CXCR6: variants seen among roughly 807,000 people sequenced by gnomAD.
The protein encoded by CXCR6 is C-X-C motif chemokine receptor 6, also known as C-X-C chemokine receptor type 6.
A neutral mutation model predicts 1.6 loss-of-function variants in CXCR6; 3 were observed. That is an observed-to-expected ratio of 1.83 (90% CI 0.83 to 4.72). The LOEUF is 4.72. CXCR6 is among the 30% of genes most tolerant of loss of function. The probability of loss-of-function intolerance (pLI) is 0.02; values close to 1 mark genes in which losing one functional copy is unlikely to be tolerated. For synonymous variants in CXCR6, 171 were observed against 159.2 expected (o/e 1.07, Z -0.56); for missense variants, 326 against 414.8 (o/e 0.79, Z 1.86).
rs1405516942 is a variant in CXCR6, at chr3:45,946,890, G to A, written c.409G>A (p.Ala137Thr). 1 of 1,614,218 alleles carries A rather than the reference G, an allele frequency of 6.2e-7. No individual in the cohort carries two copies. The highest frequency in any genetic ancestry group is 8.5e-7 in the Non-Finnish European group (1 of 1,180,040). Residue 137 changes from alanine to threonine, a missense_variant, in exon 2 of 2, where the codon GCC (alanine) becomes ACC (threonine). Transcript: ENST00000304552. ...CATTGTAGTGGTTAAGGCCACCAAG[G>A]CCTACAACCAGCAAGCCAAGAGGAT... is the stretch of plus-strand genomic sequence containing the variant. ...RFIVVVKATKAYNQQAKRMTW... is the reference protein window; with the variant it reads ...RFIVVVKATKTYNQQAKRMTW...
At chr3:45,945,699 C>A (rs1287480974) in intron 1 of CXCR6, 1 of 152,118 alleles carries the variant, frequency 6.6e-6, no homozygotes, top group Non-Finnish European at 1.5e-5. Flanking sequence ...TGGTAGAATG[C>A]CATAAACTGT....
intron 1 of CXCR6, chr3:45,945,043 A>C (rs1220250345): frequency 6.6e-6 from 1 of 152,178 alleles, no homozygotes; most frequent in Non-Finnish European, 1.5e-5. Context: ...GTCTTAGCCC[A>C]AAGGCAGCAT....
chr3:45,947,383 A>G lies in CXCR6; in HGVS notation c.902A>G (p.Lys301Arg). 1 of 1,614,224 alleles carries G rather than the reference A, an allele frequency of 6.2e-7. No homozygotes were observed. The highest frequency in any genetic ancestry group is 1.3e-5 in the African/African-American group (1 of 75,050). ...VSLKFRKNFW[K>R]LVKDIGCLPY... ...CTGAAGTTTCGAAAGAACTTCTGGA[A>G]ACTTGTGAAGGACATTGGTTGCCTC... Residue 301 changes from lysine to arginine, a missense_variant, in exon 2 of 2, where the codon AAA becomes AGA. By Grantham distance (26) the Lys-to-Arg change is conservative. Coordinates refer to ENST00000304552, the MANE Select transcript of CXCR6 (RefSeq NM_006564.2).
chr3:45,943,225 C>T (rs1234063326), upstream of CXCR6, among the ~76,000 whole-genome samples: 1 of 152,164 alleles, frequency 6.6e-6, no homozygotes, highest in Non-Finnish European at 1.5e-5. Flanking sequence ...CAGAGCCAAA[C>T]CTCCTTATTG....
Position 45,946,360 on chromosome 3 carries a change from GA to G in CXCR6, c.-21-99del. ...CTACACATCCCAGTGGGTGGGTTTA[GA>G]AGATGACTATTTGCCCCCTAAATGT... On this transcript the variant is annotated intron_variant, in intron 1 of 1. Transcript: ENST00000304552. 3.7e-6 allele frequency: 3 copies of G among 817,582 alleles called. No homozygotes were observed. In the East Asian group the frequency reaches 7.4e-5, roughly 20 times the overall value. The allele number at this position is 817,582 out of a possible 1,614,324, so 50.6% of individuals were successfully genotyped here.
In CXCR6 at chr3:45,946,824, A is replaced by T; in HGVS notation, c.343A>T (p.Thr115Ser). The change falls in exon 2 of 2, where the codon ACG becomes TCG. Residue 115 changes from threonine (T) to serine (S), a missense_variant. Coordinates refer to ENST00000304552, the MANE Select transcript of CXCR6 (RefSeq NM_006564.2). ...LLGIYTINFY[T>S]SMLILTCITV... ...GGGCATCTACACTATTAACTTCTAC[A>T]CGTCCATGCTCATCCTCACCTGCAT... 6.2e-7 allele frequency: 1 copy of T among 1,614,156 alleles called. No homozygotes were observed. The highest frequency in any genetic ancestry group is 8.5e-7 in the Non-Finnish European group (1 of 1,180,026).
At position 45,946,718 on chromosome 3, in the gene CXCR6, G is replaced by A; in HGVS notation, c.237G>A (p.Val79=). The change falls in exon 2 of 2, where the codon GTG becomes GTA. Residue 79 remains valine, a synonymous_variant. Coordinates refer to ENST00000304552, the MANE Select transcript of CXCR6 (RefSeq NM_006564.2). ...TGAACCTACCCCTGGCTGACCTGGT[G>A]TTTGTCTGCACTCTGCCCTTCTGGG... ...FLVNLPLADL[V]FVCTLPFWAY... is the part of the protein sequence containing the mutation. The A allele has an allele frequency of 6.2e-7, 1 of 1,614,240 alleles. No homozygotes were observed. The highest frequency in any genetic ancestry group is 1.1e-5 in the South Asian group (1 of 91,084).
intron 1 of CXCR6, chr3:45,945,573 T>G (rs1704538183): frequency 6.6e-6 from 1 of 152,180 alleles, no homozygotes; most frequent in South Asian, 2.1e-4. Flanking sequence ...GCTTGTTAAA[T>G]GAGGCCCCTA....
chr3:45,946,228 A>AT, intron 1 of CXCR6: 1 of 461,256 alleles, frequency 2.2e-6, no homozygotes, highest in African/African-American at 1.9e-5. Context: ...GTTGTCTCCC[A>AT]GATGGGTGAG....
At position 45,947,079 on chromosome 3, in the gene CXCR6, T is replaced by C; in HGVS notation, c.598T>C (p.Phe200Leu). 6.2e-7 allele frequency: 1 copy of C among 1,614,026 alleles called. No homozygotes were observed. Among genetic ancestry groups the C allele is most frequent in the Admixed American group, 1.7e-5 (1 of 60,016 alleles). ...VVLATQMTLG[F>L]FLPLLTMIVC... is the part of the protein sequence containing the mutation. ...TCTTGCCACCCAGATGACACTGGGG[T>C]TCTTCTTGCCACTGCTCACCATGAT... The change falls in exon 2 of 2, where the codon TTC becomes CTC. Residue 200 changes from phenylalanine to leucine, a missense_variant. By Grantham distance (22) the Phe-to-Leu change is conservative. Transcript: ENST00000304552.
Position 45,946,808 on chromosome 3 carries a change from C to T in CXCR6, c.327C>T (p.Tyr109=). 3 of 1,614,234 alleles carry T rather than the reference C, an allele frequency of 1.9e-6. No homozygotes were observed. The highest frequency in any genetic ancestry group is 1.1e-5 in the South Asian group (1 of 91,086). ...TGTGCAAGAGCCTACTGGGCATCTACACTATTAACTTCTACACGTCCATGC... is the reference window on the plus strand; with the variant it reads ...TGTGCAAGAGCCTACTGGGCATCTATACTATTAACTTCTACACGTCCATGC... The part of the protein sequence containing the change: ...QVMCKSLLGI[Y]TINFYTSMLI... Residue 109 remains tyrosine (Y), a synonymous_variant, in exon 2 of 2, where the codon TAC becomes TAT. Coordinates refer to ENST00000304552, the MANE Select transcript of CXCR6 (RefSeq NM_006564.2).
chr3:45,946,294 C>T (rs759615800), intron 1 of CXCR6, 167 bp from the exon 2 acceptor site: 236 of 575,378 alleles, frequency 4.1e-4, no homozygotes, highest in Non-Finnish European at 6.3e-4. Flanking sequence ...GCAATTTCCC[C>T]TCAGAATTGG....
intron 1 of CXCR6, among the ~76,000 whole-genome samples, chr3:45,944,618 T>C (rs1455635560): frequency 1.3e-5 from 2 of 152,150 alleles, no homozygotes; most frequent in Non-Finnish European, 2.9e-5. Context: ...GGGAAAGTAA[T>C]TTTTCATACT....
upstream of CXCR6, among the ~76,000 whole-genome samples, chr3:45,942,106 G>A (rs897918322): frequency 2.0e-5 from 3 of 152,190 alleles, no homozygotes; most frequent in Non-Finnish European, 4.4e-5. Context: ...CAGTCTGAAC[G>A]AATTCATTCA....
chr3:45,947,125 T>C lies in CXCR6; in HGVS notation c.644T>C (p.Ile215Thr). 6.2e-7 allele frequency: 1 copy of C among 1,614,260 alleles called. No individual in the cohort carries two copies. Among genetic ancestry groups the C allele is most frequent in the Non-Finnish European group, 8.5e-7 (1 of 1,180,048 alleles). ...LTMIVCYSVI[I>T]KTLLHAGGFQ... is the part of the protein sequence containing the mutation. Reference sequence around the variant, plus strand: ...ATGATTGTCTGCTATTCAGTCATAATCAAAACACTGCTTCATGCTGGAGGC... The same window carrying C: ...ATGATTGTCTGCTATTCAGTCATAACCAAAACACTGCTTCATGCTGGAGGC... The change falls in exon 2 of 2, where the codon ATC (isoleucine) becomes ACC (threonine). Residue 215 changes from isoleucine to threonine, a missense_variant. Coordinates refer to ENST00000304552, the MANE Select transcript of CXCR6 (RefSeq NM_006564.2).
Position 45,946,760 on chromosome 3 carries a change from T to C in CXCR6, c.279T>C (p.His93=). The C allele has an allele frequency of 1.2e-6, 2 of 1,614,202 alleles. No homozygotes were observed. The highest frequency in any genetic ancestry group is 1.3e-5 in the African/African-American group (1 of 75,042). Residue 93 remains histidine, a synonymous_variant, in exon 2 of 2, where the codon CAT becomes CAC. Transcript: ENST00000304552. ...TLPFWAYAGI[H]EWVFGQVMCK... Reference sequence around the variant, plus strand: ...CCTTCTGGGCCTATGCAGGCATCCATGAATGGGTGTTTGGCCAGGTCATGT... The same window carrying C: ...CCTTCTGGGCCTATGCAGGCATCCACGAATGGGTGTTTGGCCAGGTCATGT...
chr3:45,946,593 T>C lies in CXCR6; in HGVS notation c.112T>C (p.Tyr38His), dbSNP rs1559448918. 6.2e-7 allele frequency: 1 copy of C among 1,614,250 alleles called. No homozygotes were observed. Among genetic ancestry groups the C allele is most frequent in the Non-Finnish European group, 8.5e-7 (1 of 1,180,044 alleles). The change falls in exon 2 of 2, where the codon TAC (tyrosine) becomes CAC (histidine). Residue 38 changes from tyrosine (Y) to histidine (H), a missense_variant. Physicochemically the swap from Tyr to His is moderately conservative, Grantham distance 83. Transcript: ENST00000304552. Reference sequence around the variant, plus strand: ...CAGCAAGGTCTTTCTGCCCTGCATGTACCTGGTGGTGTTTGTCTGTGGTCT... The same window carrying C: ...CAGCAAGGTCTTTCTGCCCTGCATGCACCTGGTGGTGTTTGTCTGTGGTCT... ...QFSKVFLPCM[Y>H]LVVFVCGLVG...
intron 1 of CXCR6, 43 bp from the exon 2 acceptor site, chr3:45,946,418 C>A: frequency 7.1e-7 from 1 of 1,417,136 alleles, no homozygotes; most frequent in Non-Finnish European, 9.8e-7. Flanking sequence ...ACAAAGAATG[C>A]CATCCTCAGC....
Position 45,947,062 on chromosome 3 carries a change from C to T in CXCR6, c.581C>T (p.Thr194Ile), listed in dbSNP as rs747183590. The change falls in exon 2 of 2, where the codon ACC (threonine) becomes ATC (isoleucine). Residue 194 changes from threonine (T) to isoleucine (I), a missense_variant. Coordinates refer to ENST00000304552, the MANE Select transcript of CXCR6 (RefSeq NM_006564.2). The part of the protein sequence containing the change: ...DEAISTVVLA[T>I]QMTLGFFLPL... ...GCAATTTCCACTGTGGTTCTTGCCACCCAGATGACACTGGGGTTCTTCTTG... is the reference window on the plus strand; with the variant it reads ...GCAATTTCCACTGTGGTTCTTGCCATCCAGATGACACTGGGGTTCTTCTTG... 6.2e-7 allele frequency: 1 copy of T among 1,614,202 alleles called. No individual in the cohort carries two copies. Among genetic ancestry groups the T allele is most frequent in the South Asian group, 1.1e-5 (1 of 91,080 alleles).
Sources: gnomAD v4.1 joint callset for allele counts (sites outside exome capture counted in the v4.1 genomes callset) on GRCh38, gnomAD v4.1.1 for gene constraint, MANE v1.5 for transcripts, NCBI Gene and HGNC (gene_info 2026-07-23, HGNC 2026-07-21) for gene names.